MAB21L2: variants seen among roughly 807,000 people sequenced by gnomAD.
MAB21L2 encodes mab-21 like 2.
A neutral mutation model predicts 29.8 loss-of-function variants in MAB21L2; 15 were observed. The ratio of observed to expected loss-of-function variants is 0.50; its 90% CI spans 0.34 to 0.78. The LOEUF (loss-of-function observed/expected upper bound fraction) is 0.78, where lower values mean the gene tolerates loss of function less well. Ranked by LOEUF, MAB21L2 falls within the 30% of genes least tolerant of loss-of-function variation. MAB21L2 has a pLI of 0.01. For missense variants in MAB21L2, 321 were observed against 480.1 expected, an observed-to-expected ratio of 0.67 and a Z score of 3.10; for synonymous variants, 218 against 210.4, an observed-to-expected ratio of 1.04 and a Z score of -0.31.
Position 150,584,315 on chromosome 4 carries a change from C to A in MAB21L2, c.*206C>A. Reference sequence around the variant, plus strand: ...AATCACATTCTTGCACAAAAGTGATCGTTTTCTTCCAAACAATGTGAATTT... The same window carrying A: ...AATCACATTCTTGCACAAAAGTGATAGTTTTCTTCCAAACAATGTGAATTT... On this transcript the variant is annotated 3_prime_UTR_variant, in exon 1 of 1. Transcript: ENST00000317605. The A allele has an allele frequency of 4.2e-6, 2 of 479,672 alleles. No homozygotes were observed. The highest frequency in any genetic ancestry group is 7.9e-5 in the Admixed American group (2 of 25,414). 29.7% of individuals were successfully genotyped at this position (479,672 alleles called of 1,614,324 possible). A position where few individuals can be genotyped will look rare whatever the true frequency, so the allele number is the denominator to read the frequency against.
chr4:150,582,923 A>AAAGTAGG lies in MAB21L2; in HGVS notation c.-107_-106insAAGTAGG. The AAAGTAGG allele has an allele frequency of 7.6e-7, 1 of 1,319,418 alleles. No individual in the cohort carries two copies. The highest frequency in any genetic ancestry group is 2.3e-5 in the Admixed American group (1 of 42,992). The allele number at this position is 1,319,418 out of a possible 1,614,324, so 81.7% of individuals were successfully genotyped here. On this transcript the variant is annotated 5_prime_UTR_variant, in exon 1 of 1. Coordinates refer to ENST00000317605, the MANE Select transcript of MAB21L2 (RefSeq NM_006439.5). ...AGAGTGAAAGTAGGGCTTAACGGGG[A>AAAGTAGG]GCGCACCGCCTCTTTCGAAAGCCGC...
Position 150,583,612 on chromosome 4 carries a change from C to G in MAB21L2, c.583C>G (p.Pro195Ala). ...AQWPMPHIPWPGPNRVAEVKA... is the reference protein window; with the variant it reads ...AQWPMPHIPWAGPNRVAEVKA... ...GTGGCCTATGCCCCACATCCCTTGG[C>G]CCGGCCCCAATCGGGTGGCCGAGGT... is the stretch of plus-strand genomic sequence containing the variant. The change falls in exon 1 of 1, where the codon CCC (proline) becomes GCC (alanine). Residue 195 changes from proline to alanine, a missense_variant. By Grantham distance (27) the Pro-to-Ala change is conservative. Coordinates refer to ENST00000317605, the MANE Select transcript of MAB21L2 (RefSeq NM_006439.5). This position sits in a 1 kb window ranked among gnomAD's most constrained non-coding sequence, Gnocchi z 9.8. 1.2e-6 allele frequency: 2 copies of G among 1,614,026 alleles called. No individual in the cohort carries two copies. The highest frequency in any genetic ancestry group is 1.7e-6 in the Non-Finnish European group (2 of 1,180,018).
In MAB21L2 at chr4:150,583,165, G is replaced by A; in HGVS notation, c.136G>A (p.Glu46Lys). Reference sequence around the variant, plus strand: ...GGTCTCGGACGTGCTCAAGGAAGTGGAGGTGCAGGAGCCTCGCTTCATCAG... The same window carrying A: ...GGTCTCGGACGTGCTCAAGGAAGTGAAGGTGCAGGAGCCTCGCTTCATCAG... ...KVVSDVLKEV[E>K]VQEPRFISSL... Residue 46 changes from glutamate (E) to lysine (K), a missense_variant, in exon 1 of 1, where the codon GAG becomes AAG. Transcript: ENST00000317605. This position sits in a 1 kb window ranked among gnomAD's most constrained non-coding sequence, Gnocchi z 9.8. 1 of 1,614,224 alleles carries A rather than the reference G, an allele frequency of 6.2e-7. No individual in the cohort carries two copies.
Position 150,583,389 on chromosome 4 carries a change from G to T in MAB21L2, c.360G>T (p.Ser120=). 6.2e-7 allele frequency: 1 copy of T among 1,614,034 alleles called. No homozygotes were observed. Among genetic ancestry groups the T allele is most frequent in the Non-Finnish European group, 8.5e-7 (1 of 1,180,028 alleles). ...MSLWVEFITA[S]GYLSARKIRS... is the part of the protein sequence containing the mutation. ...TCTGGGTCGAGTTCATCACGGCGTC[G>T]GGCTATCTCTCAGCGCGTAAGATCC... is the stretch of plus-strand genomic sequence containing the variant. The change falls in exon 1 of 1, where the codon TCG becomes TCT. Residue 120 remains serine, a synonymous_variant. Transcript: ENST00000317605. This position sits in a 1 kb window ranked among gnomAD's most constrained non-coding sequence, Gnocchi z 9.8.
chr4:150,582,438 C>A lies in MAB21L2; in HGVS notation c.-592C>A, dbSNP rs1256874209. ...GCACGGCGGACTGAGTTGTACTTCGCAGCTCTCTGGACATTAATTACCTCC... is the reference window on the plus strand; with the variant it reads ...GCACGGCGGACTGAGTTGTACTTCGAAGCTCTCTGGACATTAATTACCTCC... On this transcript the variant is annotated 5_prime_UTR_variant, in exon 1 of 1. Transcript: ENST00000317605. The A allele has an allele frequency of 6.6e-6, 1 of 152,450 alleles. No individual in the cohort carries two copies. The highest frequency in any genetic ancestry group is 1.9e-4 in the East Asian group (1 of 5,170). The allele number at this position is 152,450 out of a possible 1,614,324, so 9.4% of individuals were successfully genotyped here.
At position 150,583,213 on chromosome 4, in the gene MAB21L2, C is replaced by T; in HGVS notation, c.184C>T (p.Arg62Cys). The change falls in exon 1 of 1, where the codon CGC becomes TGC. Residue 62 changes from arginine (R) to cysteine (C), a missense_variant. By Grantham distance (180) the Arg-to-Cys change is radical. Coordinates refer to ENST00000317605, the MANE Select transcript of MAB21L2 (RefSeq NM_006439.5). The surrounding 1 kb of genome is among the most constrained non-coding windows in gnomAD (Gnocchi z 9.8). ...FISSLSEIDARYEGLEVISPT... is the reference protein window; with the variant it reads ...FISSLSEIDACYEGLEVISPT... ...CAGCTCCTTGAGCGAGATCGATGCC[C>T]GCTACGAGGGGCTCGAGGTCATTTC... 1 of 1,614,226 alleles carries T rather than the reference C, an allele frequency of 6.2e-7. No individual in the cohort carries two copies. The highest frequency in any genetic ancestry group is 8.5e-7 in the Non-Finnish European group (1 of 1,180,050).
Position 150,584,197 on chromosome 4 carries a change from C to T in MAB21L2, c.*88C>T. ...CTATAAACAGCAGAAACTCTGGACACAAACTTTTATGTAAGTCACCTGAAA... is the reference window on the plus strand; with the variant it reads ...CTATAAACAGCAGAAACTCTGGACATAAACTTTTATGTAAGTCACCTGAAA... On this transcript the variant is annotated 3_prime_UTR_variant, in exon 1 of 1. Coordinates refer to ENST00000317605, the MANE Select transcript of MAB21L2 (RefSeq NM_006439.5). 7.3e-7 allele frequency: 1 copy of T among 1,379,178 alleles called. No individual in the cohort carries two copies. The allele number at this position is 1,379,178 out of a possible 1,614,324, so 85.4% of individuals were successfully genotyped here. A position where few individuals can be genotyped will look rare whatever the true frequency, so the allele number is the denominator to read the frequency against.
At position 150,583,239 on chromosome 4, in the gene MAB21L2, G is replaced by A. The variant is rs1247077704; in HGVS notation, c.210G>A (p.Ser70=). ...DARYEGLEVI[S]PTEFEVVLYL... ...GCTACGAGGGGCTCGAGGTCATTTC[G>A]CCCACCGAATTTGAGGTGGTGCTCT... The change falls in exon 1 of 1, where the codon TCG becomes TCA. Residue 70 remains serine, a synonymous_variant. Coordinates refer to ENST00000317605, the MANE Select transcript of MAB21L2 (RefSeq NM_006439.5). The surrounding 1 kb of genome is among the most constrained non-coding windows in gnomAD (Gnocchi z 9.8). The A allele has an allele frequency of 6.2e-7, 1 of 1,614,172 alleles. No homozygotes were observed. The highest frequency in any genetic ancestry group is 8.5e-7 in the Non-Finnish European group (1 of 1,180,034).
At position 150,583,418 on chromosome 4, in the gene MAB21L2, C is replaced by A. The variant is rs1436972829; in HGVS notation, c.389C>A (p.Ser130Ter). 1 of 1,613,920 alleles carries A rather than the reference C, an allele frequency of 6.2e-7. No homozygotes were observed. The highest frequency in any genetic ancestry group is 1.7e-5 in the Admixed American group (1 of 60,034). ...SGYLSARKIRSRFQTLVAQAV... is the reference protein window; with the variant it reads ...SGYLSARKIR ...TATCTCTCAGCGCGTAAGATCCGCT[C>A]GCGTTTCCAGACGCTGGTGGCCCAG... The change falls in exon 1 of 1, where the codon TCG becomes TAG. Residue 130 changes from serine to a stop codon, truncating the protein, a stop_gained. Coordinates refer to ENST00000317605, the MANE Select transcript of MAB21L2 (RefSeq NM_006439.5). LOFTEE classifies it high-confidence loss of function. The surrounding 1 kb of genome is among the most constrained non-coding windows in gnomAD (Gnocchi z 9.8).
Position 150,584,250 on chromosome 4 carries a change from A to G in MAB21L2, c.*141A>G. 2.1e-6 allele frequency: 2 copies of G among 938,424 alleles called. No individual in the cohort carries two copies. The highest frequency in any genetic ancestry group is 2.9e-6 in the Non-Finnish European group (2 of 678,554). The allele number at this position is 938,424 out of a possible 1,614,324, so 58.1% of individuals were successfully genotyped here. On this transcript the variant is annotated 3_prime_UTR_variant, in exon 1 of 1. Transcript: ENST00000317605. Reference sequence around the variant, plus strand: ...GGAATCCGGCAGAAGACCTTCATTAATTAAGAAGCAAACAAAAAGAGAGCA... The same window carrying G: ...GGAATCCGGCAGAAGACCTTCATTAGTTAAGAAGCAAACAAAAAGAGAGCA...
In MAB21L2 at chr4:150,582,897, G is replaced by C. The variant is rs549286219; in HGVS notation, c.-133G>C. 3.6e-6 allele frequency: 4 copies of C among 1,103,330 alleles called. No homozygotes were observed. The allele number at this position is 1,103,330 out of a possible 1,614,324, so 68.3% of individuals were successfully genotyped here. ...CAGCCGGTCAGCCCAGGTGGAAAAC[G>C]AGAGTGAAAGTAGGGCTTAACGGGG... is the stretch of plus-strand genomic sequence containing the variant. On this transcript the variant is annotated 5_prime_UTR_variant, in exon 1 of 1. Coordinates refer to ENST00000317605, the MANE Select transcript of MAB21L2 (RefSeq NM_006439.5).
Position 150,584,123 on chromosome 4 carries a change from G to A in MAB21L2, c.*14G>A. On this transcript the variant is annotated 3_prime_UTR_variant, in exon 1 of 1. Coordinates refer to ENST00000317605, the MANE Select transcript of MAB21L2 (RefSeq NM_006439.5). ...GACAAACTATAGGGTGCTGGGGACT[G>A]CTTGAAAAGCGACACAAACGGGCGT... The A allele has an allele frequency of 6.6e-7, 1 of 1,505,414 alleles. No homozygotes were observed. Among genetic ancestry groups the A allele is most frequent in the Non-Finnish European group, 8.9e-7 (1 of 1,127,336 alleles). 93.3% of individuals were successfully genotyped at this position (1,505,414 alleles called of 1,614,324 possible).
In MAB21L2 at chr4:150,584,187, ACT is replaced by A; in HGVS notation, c.*81_*82del. The A allele has an allele frequency of 7.1e-7, 1 of 1,400,664 alleles. No homozygotes were observed. Among genetic ancestry groups the A allele is most frequent in the South Asian group, 2.1e-5 (1 of 48,618 alleles). The allele number at this position is 1,400,664 out of a possible 1,614,324, so 86.8% of individuals were successfully genotyped here. On this transcript the variant is annotated 3_prime_UTR_variant, in exon 1 of 1. Coordinates refer to ENST00000317605, the MANE Select transcript of MAB21L2 (RefSeq NM_006439.5). ...CACAACTCTGCTATAAACAGCAGAAACTCTGGACACAAACTTTTATGTAAGTC... is the reference window on the plus strand; with the variant it reads ...CACAACTCTGCTATAAACAGCAGAAACTGGACACAAACTTTTATGTAAGTC...
In MAB21L2 at chr4:150,582,829, G is replaced by C; in HGVS notation, c.-201G>C. 1.9e-6 allele frequency: 1 copy of C among 520,718 alleles called. No homozygotes were observed. The highest frequency in any genetic ancestry group is 3.3e-6 in the Non-Finnish European group (1 of 304,762). 32.3% of individuals were successfully genotyped at this position (520,718 alleles called of 1,614,324 possible). A position where few individuals can be genotyped will look rare whatever the true frequency, so the allele number is the denominator to read the frequency against. ...CTAATTCTTCTGCAGAAGAAAAGAGGTTTCGAAAGAGGGAAAAGGAAAAAA... is the reference window on the plus strand; with the variant it reads ...CTAATTCTTCTGCAGAAGAAAAGAGCTTTCGAAAGAGGGAAAAGGAAAAAA... On this transcript the variant is annotated 5_prime_UTR_variant, in exon 1 of 1. Transcript: ENST00000317605.
At position 150,582,897 on chromosome 4, in the gene MAB21L2, G is replaced by GA. The variant is rs1223369816; in HGVS notation, c.-132dup. The GA allele has an allele frequency of 1.8e-6, 2 of 1,103,212 alleles. No homozygotes were observed. The highest frequency in any genetic ancestry group is 1.6e-5 in the African/African-American group (1 of 63,856). The allele number at this position is 1,103,212 out of a possible 1,614,324, so 68.3% of individuals were successfully genotyped here. A position where few individuals can be genotyped will look rare whatever the true frequency, so the allele number is the denominator to read the frequency against. On this transcript the variant is annotated 5_prime_UTR_variant, in exon 1 of 1. Transcript: ENST00000317605. ...CAGCCGGTCAGCCCAGGTGGAAAAC[G>GA]AGAGTGAAAGTAGGGCTTAACGGGG...
rs1374193312 is a variant in MAB21L2, at chr4:150,583,278, G to A, written c.249G>A (p.Met83Ile). Reference sequence around the variant, plus strand: ...AGGTGGTGCTCTACCTAAACCAGATGGGCGTCTTCAACTTCGTGGACGACG... The same window carrying A: ...AGGTGGTGCTCTACCTAAACCAGATAGGCGTCTTCAACTTCGTGGACGACG... ...EFEVVLYLNQ[M>I]GVFNFVDDGS... The change falls in exon 1 of 1, where the codon ATG becomes ATA. Residue 83 changes from methionine (M) to isoleucine (I), a missense_variant. Physicochemically the swap from Met to Ile is conservative, Grantham distance 10. Transcript: ENST00000317605. The surrounding 1 kb of genome is among the most constrained non-coding windows in gnomAD (Gnocchi z 9.8). 6.2e-7 allele frequency: 1 copy of A among 1,614,208 alleles called. No homozygotes were observed. Among genetic ancestry groups the A allele is most frequent in the Non-Finnish European group, 8.5e-7 (1 of 1,180,042 alleles).
In MAB21L2 at chr4:150,583,972, C is replaced by G. The variant is rs781395062; in HGVS notation, c.943C>G (p.Arg315Gly). ...GCTCATCTCCTGCCTGCAGTGCCGC[C>G]GCTGCCCTCACTACTTTCTGCCCAA... ...LQLISCLQCR[R>G]CPHYFLPNLD... The change falls in exon 1 of 1, where the codon CGC (arginine) becomes GGC (glycine). Residue 315 changes from arginine (R) to glycine (G), a missense_variant. Transcript: ENST00000317605. The surrounding 1 kb of genome is among the most constrained non-coding windows in gnomAD (Gnocchi z 9.8). 1.9e-6 allele frequency: 3 copies of G among 1,613,990 alleles called. No homozygotes were observed.
At position 150,583,036 on chromosome 4, in the gene MAB21L2, G is replaced by C; in HGVS notation, c.7G>C (p.Ala3Pro). 3 of 1,590,740 alleles carry C rather than the reference G, an allele frequency of 1.9e-6. No homozygotes were observed. The highest frequency in any genetic ancestry group is 2.6e-6 in the Non-Finnish European group (3 of 1,166,736). ...CCCGGACCTGTGCCCCAACATGATCGCCGCTCAGGCCAAGCTGGTTTACCA... is the reference window on the plus strand; with the variant it reads ...CCCGGACCTGTGCCCCAACATGATCCCCGCTCAGGCCAAGCTGGTTTACCA... MI[A>P]AQAKLVYQLN... Residue 3 changes from alanine (A) to proline (P), a missense_variant, in exon 1 of 1, where the codon GCC becomes CCC. Ala to Pro is a conservative substitution (Grantham distance 27). Transcript: ENST00000317605. The surrounding 1 kb of genome is among the most constrained non-coding windows in gnomAD (Gnocchi z 9.8).
Position 150,583,612 on chromosome 4 carries a change from C to T in MAB21L2, c.583C>T (p.Pro195Ser), listed in dbSNP as rs766430126. 20 of 1,614,026 alleles carry T rather than the reference C, an allele frequency of 1.2e-5. No homozygotes were observed. Among genetic ancestry groups the T allele is most frequent in the Non-Finnish European group, 1.7e-5 (20 of 1,180,018 alleles). ...AQWPMPHIPW[P>S]GPNRVAEVKA... ...GTGGCCTATGCCCCACATCCCTTGG[C>T]CCGGCCCCAATCGGGTGGCCGAGGT... is the stretch of plus-strand genomic sequence containing the variant. Residue 195 changes from proline (P) to serine (S), a missense_variant, in exon 1 of 1, where the codon CCC becomes TCC. By Grantham distance (74) the Pro-to-Ser change is moderately conservative (BLOSUM62 -1). Transcript: ENST00000317605. This position sits in a 1 kb window ranked among gnomAD's most constrained non-coding sequence, Gnocchi z 9.8.
Sources: gnomAD v4.1 joint callset for allele counts on GRCh38, gnomAD v4.1.1 for gene constraint, Gnocchi (gnomAD v3.1) non-coding constraint, MANE v1.5 for transcripts, NCBI Gene and HGNC (gene_info 2026-07-23, HGNC 2026-07-21) for gene names.